The following PDE4D variants were observed in gnomAD, a reference collection of about 807,000 sequenced individuals.
PDE4D encodes phosphodiesterase 4D, also known as 3',5'-cyclic-AMP phosphodiesterase 4D.
Under a neutral mutation model 87.4 loss-of-function variants are expected in PDE4D, and 24 were observed. The ratio of observed to expected loss-of-function variants is 0.27; its 90% CI spans 0.20 to 0.39. The LOEUF is 0.39. PDE4D is among the 10% of genes least tolerant of loss of function. PDE4D has a pLI of 1.00. For synonymous variants in PDE4D, 384 were observed against 383.2 expected (o/e 1.00, Z -0.02); for missense variants, 714 against 1,041.0 (o/e 0.69, Z 4.32).
intron 1 of PDE4D, among the ~76,000 whole-genome samples, chr5:59,842,737 T>C (rs1743211099): frequency 6.6e-6 from 1 of 152,094 alleles, no homozygotes; most frequent in South Asian, 2.1e-4. Context: ...TTTTTCTTTT[T>C]AAATGTTAAA....
At chr5:59,432,313 G>A (rs1796223407) in intron 1 of PDE4D, among the ~76,000 whole-genome samples, 2 of 151,972 alleles carry the variant, frequency 1.3e-5, no homozygotes, top group Non-Finnish European at 2.9e-5. Flanking sequence ...AATGCACAGA[G>A]ACCTAGTGAG....
intron 2 of PDE4D, among the ~76,000 whole-genome samples, chr5:60,042,484 C>A (rs955074357): frequency 9.9e-5 from 15 of 152,234 alleles, no homozygotes; most frequent in Admixed American, 7.2e-4. Flanking sequence ...TCCCTCACCC[C>A]CGTGCCTCCT....
intron 1 of PDE4D, among the ~76,000 whole-genome samples, chr5:59,655,293 G>C (rs1744176824): frequency 6.6e-6 from 1 of 152,130 alleles, no homozygotes; most frequent in African/African-American, 2.4e-5. Context: ...ATGTGCAAAA[G>C]AGATTCGTTA....
chr5:59,300,134 A>G (rs1335270146), intron 1 of PDE4D, among the ~76,000 whole-genome samples: 1 of 151,368 alleles, frequency 6.6e-6, no homozygotes, highest in Non-Finnish European at 1.5e-5. Flanking sequence ...AAAAAAAAAA[A>G]AAAGGCTTAC....
chr5:59,030,593 G>A (rs1757205054), intron 6 of PDE4D, among the ~76,000 whole-genome samples: 1 of 151,808 alleles, frequency 6.6e-6, no homozygotes, highest in South Asian at 2.1e-4. Context: ...TAAAAAGCCA[G>A]GTATGGTGGC....
At chr5:60,156,444 C>T (rs1413447477) in intron 2 of PDE4D, among the ~76,000 whole-genome samples, 4 of 152,130 alleles carry the variant, frequency 2.6e-5, no homozygotes, top group Non-Finnish European at 5.9e-5. Flanking sequence ...TTATATTAAA[C>T]TTTACTCATA....
chr5:59,008,783 C>T (rs575782552), intron 6 of PDE4D, among the ~76,000 whole-genome samples: 1 of 152,060 alleles, frequency 6.6e-6, no homozygotes, highest in East Asian at 1.9e-4. Flanking sequence ...AACAGAACAA[C>T]AAGCCACAGA....
At chr5:60,485,340 T>C (rs758915350) in intron 1 of PDE4D, among the ~76,000 whole-genome samples, 15 of 147,510 alleles carry the variant, frequency 1.0e-4, no homozygotes, top group Non-Finnish European at 2.1e-4. Flanking sequence ...GTCCTATATA[T>C]AACACAGGAA....
At chr5:60,351,118 T>C (rs1759150847) in intron 1 of PDE4D, among the ~76,000 whole-genome samples, 2 of 152,122 alleles carry the variant, frequency 1.3e-5, no homozygotes, top group Non-Finnish European at 2.9e-5. Context: ...CATCCAGAAG[T>C]AAATGTGAGA....
chr5:59,393,335 C>T (rs1223028597), intron 1 of PDE4D, among the ~76,000 whole-genome samples: 1 of 152,036 alleles, frequency 6.6e-6, no homozygotes, highest in African/African-American at 2.4e-5. Context: ...TAAAGAACAT[C>T]TCAAAAAAAT....
intron 1 of PDE4D, among the ~76,000 whole-genome samples, chr5:59,737,128 A>G (rs1758175044): frequency 1.2e-5 from 1 of 83,526 alleles, no homozygotes; most frequent in Non-Finnish European, 2.5e-5. Flanking sequence ...CTGCATTTAC[A>G]TAATAACATT....
intron 2 of PDE4D, among the ~76,000 whole-genome samples, chr5:60,062,603 G>A (rs1305710867): frequency 1.3e-5 from 2 of 152,102 alleles, no homozygotes; most frequent in Non-Finnish European, 2.9e-5. Context: ...CTATTATAAA[G>A]ACACGTGCAT....
chr5:59,146,261 C>T (rs550699036), intron 5 of PDE4D, among the ~76,000 whole-genome samples: 2 of 152,184 alleles, frequency 1.3e-5, no homozygotes, highest in South Asian at 4.1e-4. Context: ...GAAATATTAA[C>T]TTGGTCAGAT....
At chr5:59,789,081 G>A (rs1028124442) in intron 1 of PDE4D, among the ~76,000 whole-genome samples, 27 of 152,156 alleles carry the variant, frequency 1.8e-4, no homozygotes, top group African/African-American at 2.2e-4. Context: ...ACAGCCACGC[G>A]TTTTATAGGA....
intron 1 of PDE4D, among the ~76,000 whole-genome samples, chr5:60,294,348 T>C (rs1174437319): frequency 1.3e-5 from 2 of 152,226 alleles, no homozygotes; most frequent in Non-Finnish European, 2.9e-5. Context: ...TTGTCAGATA[T>C]GTTTTACAAA....
Position 58,974,795 on chromosome 5 carries a change from T to A in PDE4D, c.2299A>T (p.Thr767Ser). Reference sequence around the variant, plus strand: ...GACTCTGAGTCTTGAGTACAAAGAGTCTTGGAGTCACTGCAGCTAGTGTCT... The same window carrying A: ...GACTCTGAGTCTTGAGTACAAAGAGACTTGGAGTCACTGCAGCTAGTGTCT... ...EEDTSCSDSK[T>S]LCTQDSESTE... Residue 767 changes from threonine (T) to serine (S), a missense_variant, in exon 15 of 15, where the codon ACT (threonine) becomes TCT (serine). Transcript: ENST00000340635. The A allele has an allele frequency of 6.2e-7, 1 of 1,613,420 alleles. No individual in the cohort carries two copies. The highest frequency in any genetic ancestry group is 2.2e-5 in the East Asian group (1 of 44,852).
intron 5 of PDE4D, among the ~76,000 whole-genome samples, chr5:59,173,098 C>G (rs1180818176): frequency 6.6e-6 from 1 of 152,084 alleles, no homozygotes; most frequent in Non-Finnish European, 1.5e-5. Context: ...TAGCTCATCA[C>G]CTTTTTGCTA....
intron 2 of PDE4D, among the ~76,000 whole-genome samples, chr5:60,003,448 A>C (rs1005240175): frequency 1.3e-5 from 2 of 152,094 alleles, no homozygotes; most frequent in African/African-American, 4.8e-5. Context: ...GTGGTGACTC[A>C]CGCCTGTAAT....
intron 1 of PDE4D, among the ~76,000 whole-genome samples, chr5:59,606,940 G>A (rs1017199313): frequency 2.0e-5 from 3 of 151,910 alleles, no homozygotes; most frequent in Non-Finnish European, 4.4e-5. Flanking sequence ...TTACAGAAGG[G>A]GGGGAAGGGG....
Sources: allele counts gnomAD v4.1 joint callset (sites outside exome capture counted in the v4.1 genomes callset), GRCh38; gene constraint gnomAD v4.1.1; transcripts MANE v1.5; gene names NCBI Gene and HGNC (gene_info 2026-07-23, HGNC 2026-07-21).